Variants in CSMD3 observed in about 807,000 individuals in gnomAD.
CSMD3 encodes CUB and Sushi multiple domains 3.
In CSMD3, 177 loss-of-function variants were observed where a neutral mutation model predicts 435.2. The observed-to-expected ratio is 0.41, with a 90% CI of 0.36 to 0.46. The LOEUF is 0.46. Among genes scored for constraint, CSMD3 ranks in the 20% least tolerant of loss-of-function variants. The pLI, the probability that CSMD3 is intolerant of heterozygous loss-of-function variation, is 0.34. For synonymous variants in CSMD3, 1,656 were observed against 1,520.5 expected, an observed-to-expected ratio of 1.09 and a Z score of -2.07; for missense variants, 4,265 against 4,504.6, an observed-to-expected ratio of 0.95 and a Z score of 1.52.
intron 28 of CSMD3, among the ~76,000 whole-genome samples, chr8:112,512,359 A>G (rs990683741): frequency 4.6e-5 from 7 of 152,180 alleles, no homozygotes; most frequent in Non-Finnish European, 7.4e-5. Context: ...ATGTTGTGTT[A>G]TTGGCATAAA....
At chr8:113,154,488 T>C (rs187882513) in intron 4 of CSMD3, among the ~76,000 whole-genome samples, 1 of 152,114 alleles carries the variant, frequency 6.6e-6, no homozygotes, top group Admixed American at 6.6e-5. Flanking sequence ...ACTCAACAAA[T>C]ATTTATTGAG....
intron 7 of CSMD3, among the ~76,000 whole-genome samples, chr8:112,972,210 A>T (rs1238035274): frequency 6.6e-6 from 1 of 151,942 alleles, no homozygotes; most frequent in Non-Finnish European, 1.5e-5. Context: ...TGATCAAAAG[A>T]CATAAAACTG....
chr8:113,386,570 A>G (rs958124079), intron 1 of CSMD3, among the ~76,000 whole-genome samples: 8 of 151,540 alleles, frequency 5.3e-5, no homozygotes, highest in Non-Finnish European at 1.0e-4. Flanking sequence ...TCTCTCTGTC[A>G]GTGTATTTTT....
intron 38 of CSMD3, among the ~76,000 whole-genome samples, chr8:112,357,254 C>G (rs1024710829): frequency 6.6e-6 from 1 of 152,118 alleles, no homozygotes; most frequent in South Asian, 2.1e-4. Context: ...CATTTTGCCC[C>G]TGCCCTAGAG....
rs186302106 is a variant in CSMD3 at position 112,772,227 on chromosome 8, T to C, written c.1972+27935A>G. Among the ~76,000 whole-genome samples, 177 of 152,168 alleles carry C rather than the reference T, an allele frequency of 1.2e-3. 2 individuals carry two copies. The highest frequency in any genetic ancestry group is 4.0e-3 in the African/African-American group (166 of 41,548). On this transcript the variant is annotated intron_variant, in intron 13 of 70. Transcript: ENST00000297405. ...GTTACTGTGTCTGTGTAGAAAGAAG[T>C]AGACATAAGAGACTCCATTTTGTTC...
intron 3 of CSMD3, among the ~76,000 whole-genome samples, chr8:113,208,145 A>T (rs2092792027): frequency 6.6e-6 from 1 of 152,170 alleles, no homozygotes; most frequent in Admixed American, 6.6e-5. Flanking sequence ...TGAATGAATG[A>T]ATGAAACCTT....
intron 8 of CSMD3, among the ~76,000 whole-genome samples, chr8:112,949,820 C>T (rs1023877277): frequency 3.3e-5 from 5 of 151,950 alleles, no homozygotes; most frequent in African/African-American, 1.2e-4. Context: ...ACCCAAGTCC[C>T]GTTGTCTGTT....
At chr8:112,983,514 T>A (rs1231803872) in intron 6 of CSMD3, among the ~76,000 whole-genome samples, 4 of 150,718 alleles carry the variant, frequency 2.7e-5, no homozygotes, top group African/African-American at 9.8e-5. Context: ...CCCAAAAAAA[T>A]TATTCTCTCA....
rs1221205165 is a variant in CSMD3 at position 112,301,872 on chromosome 8, C to G, written c.8361G>C (p.Leu2787Phe). The change falls in exon 53 of 71, where the codon TTG becomes TTC. Residue 2787 changes from leucine to phenylalanine, a missense_variant. Physicochemically the swap from Leu to Phe is conservative, Grantham distance 22 (BLOSUM62 0). Coordinates refer to ENST00000297405, the MANE Select transcript of CSMD3 (RefSeq NM_198123.2). ...CAGCAGAGCCCACAAGCATGAATCC[C>G]AAGTCGCAGGTAAAGATAGCTGTTG... Reference protein sequence around the residue: ...YGSTAIFTCDLGFMLVGSAVR... With the variant: ...YGSTAIFTCDFGFMLVGSAVR... 6.2e-7 allele frequency: 1 copy of G among 1,613,734 alleles called. No individual in the cohort carries two copies. The highest frequency in any genetic ancestry group is 1.1e-5 in the South Asian group (1 of 91,074).
intron 1 of CSMD3, among the ~76,000 whole-genome samples, chr8:113,316,764 G>T (rs188776333): frequency 6.6e-6 from 1 of 151,630 alleles, no homozygotes; most frequent in East Asian, 2.0e-4. Flanking sequence ...TGGCAAGGCT[G>T]ATTTCGAACT....
chr8:112,333,667 C>T (rs1423267896), intron 45 of CSMD3, among the ~76,000 whole-genome samples: 1 of 109,606 alleles, frequency 9.1e-6, no homozygotes, highest in Non-Finnish European at 2.2e-5. Flanking sequence ...AATTCTGTCT[C>T]ATACACACAC....
intron 3 of CSMD3, among the ~76,000 whole-genome samples, chr8:113,259,250 T>A (rs1041609258): frequency 1.3e-5 from 2 of 152,102 alleles, no homozygotes; most frequent in Admixed American, 1.3e-4. Context: ...CAATCAGAAC[T>A]TGATAAAGGG....
At chr8:113,381,508 C>A (rs916133120) in intron 1 of CSMD3, among the ~76,000 whole-genome samples, 1 of 151,220 alleles carries the variant, frequency 6.6e-6, no homozygotes, top group African/African-American at 2.5e-5. Flanking sequence ...GCTTAAACTT[C>A]ATTAGAATAA....
chr8:113,328,098 G>GACACAC (rs149822754), intron 1 of CSMD3, among the ~76,000 whole-genome samples: 45 of 148,738 alleles, frequency 3.0e-4, no homozygotes, highest in Admixed American at 1.2e-3. Context: ...GACACACACA[G>GACACAC]ACACACACAC....
At chr8:113,419,750 T>A (rs1216518642) in intron 1 of CSMD3, among the ~76,000 whole-genome samples, 1 of 152,158 alleles carries the variant, frequency 6.6e-6, no homozygotes, top group African/African-American at 2.4e-5. Flanking sequence ...ATAGTGTTTA[T>A]GAGAATATAT....
chr8:112,274,996 A>G (rs913963394), intron 59 of CSMD3, among the ~76,000 whole-genome samples: 1 of 143,820 alleles, frequency 7.0e-6, no homozygotes, highest in Admixed American at 6.6e-5. Flanking sequence ...TTGCATAAAG[A>G]ACCTTTTGAT....
intron 9 of CSMD3, among the ~76,000 whole-genome samples, chr8:112,928,044 C>T (rs1385345995): frequency 6.6e-6 from 1 of 152,092 alleles, no homozygotes; most frequent in Non-Finnish European, 1.5e-5. Context: ...TTTGCCCCTC[C>T]AATACTCAGC....
chr8:112,765,799 G>A (rs147973929), intron 13 of CSMD3, among the ~76,000 whole-genome samples: 69 of 151,578 alleles, frequency 4.6e-4, no homozygotes, highest in African/African-American at 1.4e-3. Context: ...ATTTCTACTC[G>A]GAAAGATCTC....
intron 66 of CSMD3, among the ~76,000 whole-genome samples, chr8:112,239,883 A>G (rs1813956807): frequency 6.6e-6 from 1 of 152,008 alleles, no homozygotes; most frequent in Non-Finnish European, 1.5e-5. Flanking sequence ...GCCTGTTTTT[A>G]TTATTACATT....
Sources: gnomAD v4.1 joint callset for allele counts (sites outside exome capture counted in the v4.1 genomes callset) on GRCh38, gnomAD v4.1.1 for gene constraint, MANE v1.5 for transcripts, NCBI Gene and HGNC (gene_info 2026-07-23, HGNC 2026-07-21) for gene names.